Variants in NMT2 observed in about 807,000 individuals in gnomAD.
NMT2 encodes the protein glycylpeptide N-tetradecanoyltransferase 2.
Under a neutral mutation model 65.4 loss-of-function variants are expected in NMT2, and 35 were observed. The observed-to-expected ratio is 0.54, with a 90% confidence interval of 0.41 to 0.71. The LOEUF (loss-of-function observed/expected upper bound fraction) is 0.71. Ranked by LOEUF, NMT2 falls within the 30% of genes least tolerant of loss-of-function variation. NMT2 has a pLI of 0.00. For synonymous variants in NMT2, 226 were observed against 231.8 expected, an observed-to-expected ratio of 0.98 and a Z score of 0.23; for missense variants, 489 against 611.3, an observed-to-expected ratio of 0.80 and a Z score of 2.11.
At chr10:15,155,068 C>A in intron 1 of NMT2, 1 of 1,330,790 alleles carries the variant, frequency 7.5e-7, no homozygotes, top group Non-Finnish European at 1.1e-6. Flanking sequence ...ATGAAGTTCT[C>A]ATCATCAAAT....
In NMT2 at chr10:15,168,675, T is replaced by A; in HGVS notation, c.-63A>T. On this transcript the variant is annotated 5_prime_UTR_variant, in exon 1 of 12. Transcript: ENST00000378165. The stretch of plus-strand genomic sequence containing the variant: ...GGGCCGGAGCGGCCGCAGCTCCCTC[T>A]AGTGCCTCCCGCCGTACTGCTTGGA... 1 of 1,256,274 alleles carries A rather than the reference T, an allele frequency of 8.0e-7. No homozygotes were observed. Among genetic ancestry groups the A allele is most frequent in the Non-Finnish European group, 1.1e-6 (1 of 912,832 alleles). The allele number at this position is 1,256,274 out of a possible 1,614,324, so 77.8% of individuals were successfully genotyped here. A position where few individuals can be genotyped will look rare whatever the true frequency, so the allele number is the denominator to read the frequency against.
At chr10:15,112,693 C>T in intron 10 of NMT2, 103 bp downstream of exon 10, 1 of 1,124,436 alleles carries the variant, frequency 8.9e-7, no homozygotes, top group South Asian at 2.2e-5. Context: ...TAAAGTCTCG[C>T]ATAAATTCCA....
intron 10 of NMT2, among the ~76,000 whole-genome samples, chr10:15,111,509 C>CAAAAAAAAAAAAA (rs58537120): frequency 7.6e-5 from 4 of 52,800 alleles, no homozygotes; most frequent in East Asian, 5.3e-4. Flanking sequence ...AGACTCATCT[C>CAAAAAAAAAAAAA]AAAAAAAAAA....
chr10:15,163,522 C>T (rs1833270698), intron 1 of NMT2, among the ~76,000 whole-genome samples: 1 of 152,184 alleles, frequency 6.6e-6, no homozygotes, highest in African/African-American at 2.4e-5. Flanking sequence ...GTCCCTCAGG[C>T]AAAGACTGTC....
At chr10:15,141,650 A>T (rs949793899) in intron 1 of NMT2, 93 bp from the exon 2 acceptor site, 9 of 1,445,524 alleles carry the variant, frequency 6.2e-6, no homozygotes, top group Non-Finnish European at 8.3e-6. Context: ...CAAAAAACAC[A>T]GCTGTTACAT....
At chr10:15,124,381 A>C (rs542185088) in intron 8 of NMT2, among the ~76,000 whole-genome samples, 4 of 152,232 alleles carry the variant, frequency 2.6e-5, no homozygotes, top group African/African-American at 9.6e-5. Context: ...GAGCAAGTCA[A>C]TCTGTGTTCT....
chr10:15,109,907 T>TG (rs2131457896), intron 10 of NMT2, 68 bp from the exon 11 acceptor site: 1 of 1,305,872 alleles, frequency 7.7e-7, no homozygotes, highest in African/African-American at 1.5e-5. Flanking sequence ...CATATCTCAG[T>TG]TTAACAATTC....
At chr10:15,147,557 A>T (rs1045671418) in intron 1 of NMT2, among the ~76,000 whole-genome samples, 8 of 152,188 alleles carry the variant, frequency 5.3e-5, no homozygotes, top group Non-Finnish European at 1.0e-4. Context: ...TGAAAAAAAA[A>T]TTTTTAATAC....
chr10:15,138,548 C>T, intron 2 of NMT2: 1 of 455,976 alleles, frequency 2.2e-6, no homozygotes, highest in South Asian at 1.6e-5. Context: ...TCTTTTTCTT[C>T]CACACATGCT....
intron 10 of NMT2, among the ~76,000 whole-genome samples, chr10:15,111,403 C>T (rs12783180): frequency 6.7e-6 from 1 of 148,984 alleles, no homozygotes; most frequent in African/African-American, 2.5e-5. Context: ...CCCAGCTACT[C>T]TGGAGGCTGA....
Position 15,112,930 on chromosome 10 carries a change from A to G in NMT2, c.1204T>C (p.Phe402Leu). 6.2e-7 allele frequency: 1 copy of G among 1,614,150 alleles called. No homozygotes were observed. Among genetic ancestry groups the G allele is most frequent in the East Asian group, 2.2e-5 (1 of 44,870 alleles). Residue 402 changes from phenylalanine to leucine, a missense_variant, in exon 10 of 12, where the codon TTC (phenylalanine) becomes CTC (leucine). Transcript: ENST00000378165. ...ATCACCGTGGAGGGGAGCGTATAGAAGCTCAGGAAATCAGTCAGTTTACCG... is the reference window on the plus strand; with the variant it reads ...ATCACCGTGGAGGGGAGCGTATAGAGGCTCAGGAAATCAGTCAGTTTACCG... ...PNGKLTDFLS[F>L]YTLPSTVMHH...
At chr10:15,112,174 T>TAAGA (rs1845541889) in intron 10 of NMT2, among the ~76,000 whole-genome samples, 1 of 28,876 alleles carries the variant, frequency 3.5e-5, no homozygotes, top group Non-Finnish European at 6.4e-5. Flanking sequence ...GATATGGGCT[T>TAAGA]TATATATATA....
At chr10:15,164,570 G>C (rs1490947112) in intron 1 of NMT2, among the ~76,000 whole-genome samples, 1 of 152,222 alleles carries the variant, frequency 6.6e-6, no homozygotes, top group Non-Finnish European at 1.5e-5. Flanking sequence ...ACATCAAAAG[G>C]ACAGCGAGAA....
intron 10 of NMT2, chr10:15,111,652 T>C (rs1002157981): frequency 1.3e-5 from 2 of 151,898 alleles, no homozygotes; most frequent in Non-Finnish European, 2.9e-5. Flanking sequence ...CAAAATGTGA[T>C]ATAGAAGAAG....
At position 15,144,033 on chromosome 10, in the gene NMT2, G is replaced by T. The variant is rs527354207; in HGVS notation, c.111-2476C>A. On this transcript the variant is annotated intron_variant, in intron 1 of 11. Transcript: ENST00000378165. ...CTATAACTTACAATGCCTGTTCAAT[G>T]AGGTTTCCAAAACTCCATTTTGGGA... is the stretch of plus-strand genomic sequence containing the variant. 1.5e-4 allele frequency among the ~76,000 whole-genome samples: 23 copies of T among 150,660 alleles called. No individual in the cohort carries two copies. In the East Asian group the frequency reaches 4.2e-3, roughly 28 times the overall value.
chr10:15,113,921 T>C (rs1166105371), intron 9 of NMT2, among the ~76,000 whole-genome samples: 1 of 152,210 alleles, frequency 6.6e-6, no homozygotes, highest in Non-Finnish European at 1.5e-5. Flanking sequence ...TAATTAGCTG[T>C]GGTGGCCTTG....
At chr10:15,112,181 TATATATATATATATATA>T (rs1845545729) in intron 10 of NMT2, among the ~76,000 whole-genome samples, 1 of 9,232 alleles carries the variant, frequency 1.1e-4, no homozygotes, top group Admixed American at 1.2e-3. Context: ...GCTTTATATA[TATATATATATATATATA>T]TATATATATA....
At chr10:15,144,600 G>A (rs951704900) in intron 1 of NMT2, among the ~76,000 whole-genome samples, 11 of 152,108 alleles carry the variant, frequency 7.2e-5, no homozygotes, top group East Asian at 3.9e-4. Flanking sequence ...GCGTGGTGGC[G>A]GGCGCCTGTA....
At chr10:15,147,523 A>G (rs1564583391) in intron 1 of NMT2, among the ~76,000 whole-genome samples, 1 of 152,200 alleles carries the variant, frequency 6.6e-6, no homozygotes, top group Non-Finnish European at 1.5e-5. Flanking sequence ...GATATATAAT[A>G]AAGATCACAT....
Sources: allele counts gnomAD v4.1 joint callset (sites outside exome capture counted in the v4.1 genomes callset), GRCh38; gene constraint gnomAD v4.1.1; transcripts MANE v1.5; gene names NCBI Gene and HGNC (gene_info 2026-07-23, HGNC 2026-07-21).